MICU1: variants seen among roughly 807,000 people sequenced by gnomAD.
The protein encoded by MICU1 is calcium uptake protein 1, mitochondrial.
In MICU1, 45 loss-of-function variants were observed where a neutral mutation model predicts 56.8. That is an observed-to-expected ratio of 0.79 (90% confidence interval 0.62 to 1.02). MICU1 has a LOEUF of 1.02. Among genes scored for constraint, MICU1 ranks in the 50% least tolerant of loss-of-function variants. The pLI is 0.00. For missense variants in MICU1, 504 were observed against 587.1 expected, an observed-to-expected ratio of 0.86 and a Z score of 1.46; for synonymous variants, 186 against 195.1, an observed-to-expected ratio of 0.95 and a Z score of 0.39.
At chr10:72,469,350 T>C (rs1210050333) in intron 8 of MICU1, among the ~76,000 whole-genome samples, 1 of 152,182 alleles carries the variant, frequency 6.6e-6, no homozygotes, top group Non-Finnish European at 1.5e-5. Flanking sequence ...TAGTGAGAGA[T>C]GGATACAAAG....
chr10:72,448,909 G>A (rs1472100394), intron 8 of MICU1, among the ~76,000 whole-genome samples: 1 of 152,172 alleles, frequency 6.6e-6, no homozygotes, highest in East Asian at 1.9e-4. Context: ...GCTGTCCCTT[G>A]CTAGACAATT....
chr10:72,420,173 C>T (rs777917943), intron 9 of MICU1, among the ~76,000 whole-genome samples: 3 of 152,144 alleles, frequency 2.0e-5, no homozygotes, highest in Non-Finnish European at 4.4e-5. Flanking sequence ...CATTCTCCTG[C>T]CTCAGCCTCC....
intron 8 of MICU1, among the ~76,000 whole-genome samples, chr10:72,473,953 C>A (rs920063929): frequency 1.3e-5 from 2 of 151,508 alleles, no homozygotes; most frequent in African/African-American, 4.9e-5. Context: ...TAAGGTAGGG[C>A]GTGTGTTAAA....
chr10:72,438,486 G>C (rs1864810331), intron 8 of MICU1, among the ~76,000 whole-genome samples: 1 of 152,124 alleles, frequency 6.6e-6, no homozygotes, highest in Non-Finnish European at 1.5e-5. Context: ...ACAATTAAAA[G>C]AACTAGAGAA....
At chr10:72,568,894 A>G (rs1840516822) in intron 1 of MICU1, among the ~76,000 whole-genome samples, 1 of 150,838 alleles carries the variant, frequency 6.6e-6, no homozygotes, top group Admixed American at 6.6e-5. Flanking sequence ...CTGGGATTAC[A>G]GGCACACGAC....
At chr10:72,424,860 A>T (rs1864296670) in intron 8 of MICU1, among the ~76,000 whole-genome samples, 1 of 152,222 alleles carries the variant, frequency 6.6e-6, no homozygotes, top group South Asian at 2.1e-4. Flanking sequence ...GCTTAGTCAC[A>T]TTTAAATGAG....
intron 2 of MICU1, among the ~76,000 whole-genome samples, chr10:72,565,382 C>G (rs1203012028): frequency 6.6e-6 from 1 of 151,008 alleles, no homozygotes; most frequent in Non-Finnish European, 1.5e-5. Context: ...AGCAAACTAT[C>G]GCAAGGACAA....
chr10:72,396,041 C>T (rs1202015758), intron 10 of MICU1, among the ~76,000 whole-genome samples: 1 of 152,176 alleles, frequency 6.6e-6, no homozygotes, highest in Non-Finnish European at 1.5e-5. Flanking sequence ...CGACAGACAC[C>T]TCATACAGGC....
At chr10:72,577,559 T>A in intron 1 of MICU1, among the ~76,000 whole-genome samples, 1 of 147,006 alleles carries the variant, frequency 6.8e-6, no homozygotes, top group African/African-American at 2.5e-5. Flanking sequence ...AAGCACCCAA[T>A]CTCATCTGAT....
intron 5 of MICU1, among the ~76,000 whole-genome samples, chr10:72,523,629 G>T (rs913081081): frequency 6.6e-6 from 1 of 152,062 alleles, no homozygotes; most frequent in Non-Finnish European, 1.5e-5. Flanking sequence ...TAAACCAAAA[G>T]ATGTTTATAA....
chr10:72,419,956 A>G (rs1864100643), intron 9 of MICU1, among the ~76,000 whole-genome samples: 1 of 152,136 alleles, frequency 6.6e-6, no homozygotes, highest in South Asian at 2.1e-4. Context: ...TAGGTCTTTA[A>G]TGTGCTGTTC....
intron 6 of MICU1, among the ~76,000 whole-genome samples, chr10:72,481,804 T>C (rs1454844316): frequency 6.6e-6 from 1 of 152,200 alleles, no homozygotes; most frequent in Non-Finnish European, 1.5e-5. Flanking sequence ...TTCTACACGA[T>C]TTCCAAAATG....
intron 1 of MICU1, among the ~76,000 whole-genome samples, chr10:72,596,444 A>AT (rs1388878858): frequency 6.6e-6 from 1 of 152,156 alleles, no homozygotes; most frequent in Non-Finnish European, 1.5e-5. Context: ...TCAAAAAAAG[A>AT]TTTTTTAAGT....
At chr10:72,604,805 T>C (rs1285144818) in intron 1 of MICU1, among the ~76,000 whole-genome samples, 3 of 152,188 alleles carry the variant, frequency 2.0e-5, no homozygotes, top group Non-Finnish European at 4.4e-5. Flanking sequence ...TTAAGTGTAT[T>C]ACTCTAGGTA....
At chr10:72,446,373 C>T (rs1314591823) in intron 8 of MICU1, among the ~76,000 whole-genome samples, 1 of 152,164 alleles carries the variant, frequency 6.6e-6, no homozygotes, top group Non-Finnish European at 1.5e-5. Context: ...TGTCGCCCAG[C>T]AGGCTGGAGC....
chr10:72,607,747 C>T (rs1033258348), intron 1 of MICU1, among the ~76,000 whole-genome samples: 4 of 152,052 alleles, frequency 2.6e-5, no homozygotes, highest in African/African-American at 7.2e-5. Context: ...TTGTGGGAAC[C>T]TCCAATTCGC....
chr10:72,532,650 G>A (rs1839520345), intron 5 of MICU1, among the ~76,000 whole-genome samples: 1 of 152,150 alleles, frequency 6.6e-6, no homozygotes, highest in South Asian at 2.1e-4. Context: ...TTAGGACCTT[G>A]AGCCGAGGTC....
intron 1 of MICU1, among the ~76,000 whole-genome samples, chr10:72,598,120 T>C (rs1451097994): frequency 6.6e-6 from 1 of 152,144 alleles, no homozygotes. Flanking sequence ...ACTAAAAGCA[T>C]TAAAAGTAGC....
intron 8 of MICU1, among the ~76,000 whole-genome samples, chr10:72,458,896 T>C (rs1242831062): frequency 1.2e-5 from 1 of 85,140 alleles, no homozygotes; most frequent in Admixed American, 1.0e-4. Context: ...TTTTTTTTTT[T>C]TGTATTTTTT....
Sources: allele counts gnomAD v4.1 joint callset (sites outside exome capture counted in the v4.1 genomes callset), GRCh38; gene constraint gnomAD v4.1.1; transcripts MANE v1.5; gene names NCBI Gene and HGNC (gene_info 2026-07-23, HGNC 2026-07-21).